Variants in INTU observed in about 807,000 individuals in gnomAD.
The protein encoded by INTU is protein inturned.
INTU carries 68 observed loss-of-function variants against 100.5 expected under a neutral mutation model. That is an observed-to-expected ratio of 0.68 (90% CI 0.56 to 0.83). INTU has a LOEUF of 0.83. Ranked by LOEUF, INTU falls within the 40% of genes least tolerant of loss-of-function variation. INTU has a pLI of 0.00. For synonymous variants in INTU, 357 were observed against 395.7 expected (o/e 0.90, Z 1.16); for missense variants, 1,071 against 1,114.7 (o/e 0.96, Z 0.56).
intron 3 of INTU, among the ~76,000 whole-genome samples, chr4:127,656,947 C>T (rs945703240): frequency 6.6e-6 from 1 of 152,028 alleles, no homozygotes; most frequent in South Asian, 2.1e-4. Context: ...CTACATAAAG[C>T]AGTAACAGCA....
At chr4:127,633,689 G>C (rs1355515306) in intron 1 of INTU, among the ~76,000 whole-genome samples, 1 of 152,140 alleles carries the variant, frequency 6.6e-6, no homozygotes. Flanking sequence ...CACCATCAAG[G>C]ACAACCTCTC....
intron 5 of INTU, among the ~76,000 whole-genome samples, chr4:127,672,297 C>G (rs955869689): frequency 2.6e-5 from 4 of 152,162 alleles, no homozygotes; most frequent in Non-Finnish European, 5.9e-5. Context: ...TGGGCAACTG[C>G]TAATCTACTT....
In INTU at chr4:127,661,574, A is replaced by T. The variant is rs191555690; in HGVS notation, c.769-1807A>T. Among the ~76,000 whole-genome samples the T allele has an allele frequency of 4.6e-5, 7 of 151,774 alleles. No individual in the cohort carries two copies. The South Asian group carries it at 1.3e-3, about 27-fold the overall frequency. ...CTCATCTCATGCTCCCTCTGATTTG[A>T]TTTCTCCCCTTCTGTACCGCTCACA... On this transcript the variant is annotated intron_variant, in intron 3 of 15. Transcript: ENST00000335251.
intron 4 of INTU, among the ~76,000 whole-genome samples, chr4:127,668,333 T>G (rs1728784048): frequency 6.6e-6 from 1 of 151,934 alleles, no homozygotes; most frequent in South Asian, 2.1e-4. Context: ...ATATAAAGCA[T>G]TTTGTGAATT....
chr4:127,663,427 C>A lies in INTU; in HGVS notation c.815C>A (p.Ser272Tyr). Residue 272 changes from serine to tyrosine, a missense_variant, in exon 4 of 16, where the codon TCC (serine) becomes TAC (tyrosine). Physicochemically the swap from Ser to Tyr is moderately radical, Grantham distance 144. Transcript: ENST00000335251. ...GCATATGATGTGAAAAGGGAGACGT[C>A]CCATCCAAGACAGAAAAAGACACAG... ...ENAYDVKRET[S>Y]HPRQKKTQSN... 1.9e-6 allele frequency: 3 copies of A among 1,613,134 alleles called. No individual in the cohort carries two copies. In the Admixed American group the frequency reaches 5.0e-5, roughly 27 times the overall value.
chr4:127,663,348 C>T (rs1404302045), intron 3 of INTU, 33 bp from the exon 4 acceptor site: 4 of 1,543,586 alleles, frequency 2.6e-6, no homozygotes, highest in Admixed American at 1.7e-5. Context: ...TTTCCCTTGT[C>T]GAAAAGTCAA....
At position 127,719,160 on chromosome 4, in the gene INTU, A is replaced by G. The variant is rs774857835; in HGVS notation, c.*2724A>G. ...TATTATTTTGAAGTATGTTCCTTCA[A>G]TACCTAGTTTATTGAGAGTTTTTAA... On this transcript the variant is annotated 3_prime_UTR_variant, in exon 16 of 16. Transcript: ENST00000335251. 1.3e-5 allele frequency: 2 copies of G among 152,190 alleles called. No individual in the cohort carries two copies. The allele number at this position is 152,190 out of a possible 1,614,324, so 9.4% of individuals were successfully genotyped here.
chr4:127,716,259 G>A (rs938219221), intron 15 of INTU, 66 bp from the exon 16 acceptor site: 4 of 690,058 alleles, frequency 5.8e-6, no homozygotes, highest in Non-Finnish European at 9.5e-6. Context: ...AAATTAATTG[G>A]ATGGTTAGAG....
chr4:127,704,341 A>T, intron 10 of INTU, 51 bp downstream of exon 10: 1 of 1,332,654 alleles, frequency 7.5e-7, no homozygotes, highest in Non-Finnish European at 1.1e-6. Context: ...AAAGAGAACT[A>T]AATTTTCAAA....
chr4:127,698,817 T>C (rs962934172), intron 8 of INTU, among the ~76,000 whole-genome samples: 5 of 152,180 alleles, frequency 3.3e-5, no homozygotes, highest in Admixed American at 1.3e-4. Context: ...TAGCAACTCA[T>C]TGAACAGTTT....
chr4:127,676,894 C>A (rs1307775171), intron 6 of INTU, among the ~76,000 whole-genome samples: 1 of 152,148 alleles, frequency 6.6e-6, no homozygotes, highest in Non-Finnish European at 1.5e-5. Context: ...TCACTCCCAC[C>A]CCAATACTGC....
intron 2 of INTU, among the ~76,000 whole-genome samples, chr4:127,655,960 T>C (rs1392971517): frequency 6.6e-6 from 1 of 152,194 alleles, no homozygotes; most frequent in Non-Finnish European, 1.5e-5. Context: ...AAAAGCGCAA[T>C]ATTCGGGTGG....
rs1731320268 is a variant in INTU, at chr4:127,719,849, G to T, written c.*3413G>T. The T allele has an allele frequency of 6.6e-6, 1 of 151,644 alleles. No homozygotes were observed. The highest frequency in any genetic ancestry group is 2.1e-4 in the South Asian group (1 of 4,818). 9.4% of individuals were successfully genotyped at this position (151,644 alleles called of 1,614,324 possible). A position where few individuals can be genotyped will look rare whatever the true frequency, so the allele number is the denominator to read the frequency against. On this transcript the variant is annotated 3_prime_UTR_variant, in exon 16 of 16. Coordinates refer to ENST00000335251, the MANE Select transcript of INTU (RefSeq NM_015693.4). ...AATATCCCCTTTATCATTTTTTATT[G>T]TGTCTATTTGGTTCTTCTCTCTTTT...
At chr4:127,685,454 A>ATT in intron 7 of INTU, 7 of 455,728 alleles carry the variant, frequency 1.5e-5, no homozygotes, top group South Asian at 1.1e-4. Context: ...TCATGAAGGA[A>ATT]TTTTCTGTGA....
In INTU at chr4:127,665,979, C is replaced by CTTTGTCTT. The variant is rs570600390; in HGVS notation, c.972+2398_972+2405dup. Among the ~76,000 whole-genome samples the CTTTGTCTT allele has an allele frequency of 2.8e-4, 43 of 152,164 alleles. 2 individuals are homozygous for CTTTGTCTT. The highest frequency in any genetic ancestry group is 1.0e-4 in the Non-Finnish European group (7 of 67,990). ...TCTAATCTATTTGAAGATAGTATCC[C>CTTTGTCTT]TTTGTCTTTTGACCTCTATTATTGC... is the stretch of plus-strand genomic sequence containing the variant. On this transcript the variant is annotated intron_variant, in intron 4 of 15. Coordinates refer to ENST00000335251, the MANE Select transcript of INTU (RefSeq NM_015693.4).
intron 2 of INTU, among the ~76,000 whole-genome samples, chr4:127,650,736 A>C (rs1441362394): frequency 2.0e-5 from 3 of 151,654 alleles, no homozygotes; most frequent in Non-Finnish European, 4.4e-5. Context: ...GTATATACCC[A>C]GTAATGGGAT....
intron 2 of INTU, among the ~76,000 whole-genome samples, chr4:127,651,488 T>C (rs895087315): frequency 3.3e-5 from 5 of 152,218 alleles, no homozygotes; most frequent in Admixed American, 2.6e-4. Flanking sequence ...CCTTTCCCCA[T>C]TGCTTGTTTT....
intron 2 of INTU, among the ~76,000 whole-genome samples, chr4:127,651,867 C>G (rs976756711): frequency 4.3e-4 from 65 of 151,430 alleles, no homozygotes; most frequent in African/African-American, 1.4e-3. Context: ...AATGTTCTTC[C>G]ATTTGTTTGT....
intron 5 of INTU, among the ~76,000 whole-genome samples, chr4:127,670,371 TAGAC>T (rs1284101330): frequency 1.3e-5 from 2 of 151,900 alleles, no homozygotes; most frequent in Non-Finnish European, 2.9e-5. Flanking sequence ...TACAAGGCAA[TAGAC>T]AGAAGAATTT....
Sources: allele counts gnomAD v4.1 joint callset (sites outside exome capture counted in the v4.1 genomes callset), GRCh38; gene constraint gnomAD v4.1.1; transcripts MANE v1.5; gene names NCBI Gene and HGNC (gene_info 2026-07-23, HGNC 2026-07-21).